Variants in PEMT observed in about 807,000 individuals in gnomAD.
PEMT encodes phosphatidylethanolamine N-methyltransferase, also known as phospholipid methyltransferase.
A neutral mutation model predicts 27.4 loss-of-function variants in PEMT; 23 were observed. That is an observed-to-expected ratio of 0.84 (90% confidence interval 0.60 to 1.19). The LOEUF (loss-of-function observed/expected upper bound fraction) is 1.19. Ranked by LOEUF, PEMT falls within the 50% of genes most tolerant of loss-of-function variation. PEMT has a pLI of 0.00. For missense variants in PEMT, 307 were observed against 310.1 expected, an observed-to-expected ratio of 0.99 and a Z score of 0.07; for synonymous variants, 137 against 139.1, an observed-to-expected ratio of 0.98 and a Z score of 0.11.
At chr17:17,543,431 G>A (rs1304133296) in intron 2 of PEMT, among the ~76,000 whole-genome samples, 1 of 152,242 alleles carries the variant, frequency 6.6e-6, no homozygotes, top group Non-Finnish European at 1.5e-5. Flanking sequence ...GCACTGGGAA[G>A]GTGGCTGCCC....
chr17:17,554,466 G>A (rs1597925429), intron 2 of PEMT, among the ~76,000 whole-genome samples: 2 of 152,216 alleles, frequency 1.3e-5, no homozygotes, highest in Non-Finnish European at 2.9e-5. Flanking sequence ...CCAACAGCGT[G>A]GGCAGCTTGC....
rs1391751747 is a variant in PEMT, at chr17:17,512,698, G to A, written c.321-44C>T. ...GAGGGAGGACGTCATGGCCAGGGAG[G>A]ATGTCACAGCCCGGGAGGAGGCCGA... On this transcript the variant is annotated intron_variant, in intron 3 of 6. Transcript: ENST00000255389. This position sits in a 1 kb window ranked among gnomAD's most constrained non-coding sequence, Gnocchi z 6.3. 4 of 1,454,254 alleles carry A rather than the reference G, an allele frequency of 2.8e-6. No individual in the cohort carries two copies. The highest frequency in any genetic ancestry group is 3.7e-6 in the Non-Finnish European group (4 of 1,092,306). The allele number at this position is 1,454,254 out of a possible 1,614,324, so 90.1% of individuals were successfully genotyped here. A position where few individuals can be genotyped will look rare whatever the true frequency, so the allele number is the denominator to read the frequency against.
chr17:17,531,819 T>C (rs1282310291), intron 2 of PEMT, among the ~76,000 whole-genome samples: 2 of 152,098 alleles, frequency 1.3e-5, no homozygotes, highest in Admixed American at 1.3e-4. Flanking sequence ...GATTATATGA[T>C]GATTTCTTAG....
intron 2 of PEMT, among the ~76,000 whole-genome samples, chr17:17,537,925 C>A (rs1329272633): frequency 6.6e-6 from 1 of 152,222 alleles, no homozygotes; most frequent in African/African-American, 2.4e-5. Flanking sequence ...TGGGTGGGAC[C>A]TCATCCTCAC....
chr17:17,530,065 A>G (rs1306088486), intron 2 of PEMT, among the ~76,000 whole-genome samples: 2 of 152,246 alleles, frequency 1.3e-5, no homozygotes, highest in African/African-American at 4.8e-5. Flanking sequence ...ACTTGCTTAC[A>G]TTTTCAAAAA....
At chr17:17,544,654 G>A (rs1030705378) in intron 2 of PEMT, among the ~76,000 whole-genome samples, 2 of 152,128 alleles carry the variant, frequency 1.3e-5, no homozygotes, top group Non-Finnish European at 2.9e-5. Context: ...TGACGGGCAG[G>A]GGCTGGCACA....
Position 17,512,422 on chromosome 17 carries a change from GA to G in PEMT, c.466+86del. On this transcript the variant is annotated intron_variant, in intron 4 of 6. Transcript: ENST00000255389. The surrounding 1 kb of genome is among the most constrained non-coding windows in gnomAD (Gnocchi z 6.3). ...CCCTAGCACTCCCACCGATGTCACG[GA>G]TAGCAGGGCAGCAGCCACCTGGCCC... is the stretch of plus-strand genomic sequence containing the variant. 7.8e-7 allele frequency: 1 copy of G among 1,289,788 alleles called. No homozygotes were observed. The allele number at this position is 1,289,788 out of a possible 1,614,324, so 79.9% of individuals were successfully genotyped here.
At chr17:17,509,294 C>G (rs1424336548) in intron 5 of PEMT, 140 bp downstream of exon 5, 2 of 613,352 alleles carry the variant, frequency 3.3e-6, no homozygotes, top group Non-Finnish European at 5.8e-6. Context: ...AAAGGGAGAA[C>G]CAGGGCGCCT....
chr17:17,563,509 G>C (rs533104994), intron 2 of PEMT, among the ~76,000 whole-genome samples: 1 of 152,226 alleles, frequency 6.6e-6, no homozygotes, highest in Non-Finnish European at 1.5e-5. Context: ...GGAAGAAGGG[G>C]CAGTTTTGGC....
intron 3 of PEMT, among the ~76,000 whole-genome samples, chr17:17,515,660 G>A (rs1022324843): frequency 2.0e-5 from 3 of 152,112 alleles, no homozygotes; most frequent in African/African-American, 7.2e-5. Context: ...TTAGGCAATC[G>A]ACAGTGTTCT....
intron 3 of PEMT, among the ~76,000 whole-genome samples, chr17:17,520,648 G>A (rs1907195336): frequency 1.3e-5 from 2 of 152,222 alleles, no homozygotes; most frequent in South Asian, 2.1e-4. Flanking sequence ...CCCTCCGAGG[G>A]GTGAAAAGCC....
Position 17,518,007 on chromosome 17 carries a change from A to G in PEMT, c.320+4273T>C, listed in dbSNP as rs527753672. On this transcript the variant is annotated intron_variant, in intron 3 of 6. Coordinates refer to ENST00000255389, the MANE Select transcript of PEMT (RefSeq NM_148172.3). ...TGAGGAAGATTCCTGATCGACAGCC[A>G]CACTCCGAGGCCAGGATGCAGCTTC... 5.1e-6 allele frequency: 5 copies of G among 985,454 alleles called. No homozygotes were observed. In the South Asian group the frequency reaches 2.4e-4, roughly 46 times the overall value. 61.0% of individuals were successfully genotyped at this position (985,454 alleles called of 1,614,324 possible).
At chr17:17,529,205 G>C (rs530303844) in intron 2 of PEMT, among the ~76,000 whole-genome samples, 1 of 152,182 alleles carries the variant, frequency 6.6e-6, no homozygotes, top group African/African-American at 2.4e-5. Context: ...AGGCCCAGCC[G>C]GCCCGGTGAC....
chr17:17,527,651 C>T (rs753417184), intron 2 of PEMT, among the ~76,000 whole-genome samples: 3 of 152,202 alleles, frequency 2.0e-5, no homozygotes, highest in Admixed American at 6.5e-5. Context: ...GGCACATGGG[C>T]GCATGGCGGT....
chr17:17,552,848 A>G (rs1176687141), intron 2 of PEMT, among the ~76,000 whole-genome samples: 1 of 152,212 alleles, frequency 6.6e-6, no homozygotes, highest in South Asian at 2.1e-4. Flanking sequence ...AGAGGTGTCA[A>G]ATCTGTGCTC....
chr17:17,583,175 G>A (rs761141048), intron 1 of PEMT, among the ~76,000 whole-genome samples: 4 of 152,020 alleles, frequency 2.6e-5, no homozygotes, highest in African/African-American at 7.2e-5. Flanking sequence ...TCAGGAGTTC[G>A]AGACCAGCCT....
intron 3 of PEMT, among the ~76,000 whole-genome samples, chr17:17,521,164 G>T (rs1054759519): frequency 6.6e-6 from 1 of 152,220 alleles, no homozygotes; most frequent in African/African-American, 2.4e-5. Context: ...GCTCCACGTG[G>T]GGTGTGGCCA....
intron 3 of PEMT, chr17:17,518,029 C>G (rs1906971988): frequency 2.0e-6 from 2 of 985,398 alleles, no homozygotes; most frequent in Admixed American, 6.1e-5. Flanking sequence ...CAGGATGCAG[C>G]TTCTTAGCCT....
intron 3 of PEMT, among the ~76,000 whole-genome samples, chr17:17,514,209 C>T (rs545931341): frequency 1.1e-4 from 17 of 152,368 alleles, no homozygotes; most frequent in African/African-American, 1.7e-4. Context: ...TTGTGAAACT[C>T]CTTATGCTGA....
Sources: allele counts gnomAD v4.1 joint callset (sites outside exome capture counted in the v4.1 genomes callset), GRCh38; gene constraint gnomAD v4.1.1; non-coding constraint Gnocchi (gnomAD v3.1); transcripts MANE v1.5; gene names NCBI Gene and HGNC (gene_info 2026-07-23, HGNC 2026-07-21).